The following ABCA13 variants were observed in gnomAD, a reference collection of about 807,000 sequenced individuals.
The protein encoded by ABCA13 is ATP-binding cassette sub-family A member 13.
Under a neutral mutation model 478.7 loss-of-function variants are expected in ABCA13, and 476 were observed. The ratio of observed to expected loss-of-function variants is 0.99; its 90% CI spans 0.92 to 1.07. ABCA13 has a LOEUF of 1.07. Among genes scored for constraint, ABCA13 ranks in the 50% least tolerant of loss-of-function variants. The probability of loss-of-function intolerance (pLI) is 0.00; values close to 1 mark genes in which losing one functional copy is unlikely to be tolerated. For missense variants in ABCA13, 6,060 were observed against 5,910.6 expected (o/e 1.03, Z -0.83); for synonymous variants, 2,252 against 2,158.9 (o/e 1.04, Z -1.20).
chr7:48,615,888 T>C (rs1018461433), intron 59 of ABCA13, among the ~76,000 whole-genome samples: 6 of 152,242 alleles, frequency 3.9e-5, no homozygotes, highest in Non-Finnish European at 2.9e-5. Context: ...ACTTCTTTCC[T>C]GTGCTCATTG....
At position 48,275,861 on chromosome 7, in the gene ABCA13, C is replaced by T. The variant is rs373473537; in HGVS notation, c.6195C>T (p.Ile2065=). 3.1e-6 allele frequency: 5 copies of T among 1,613,428 alleles called. No homozygotes were observed. Among genetic ancestry groups the T allele is most frequent in the Non-Finnish European group, 4.2e-6 (5 of 1,179,794 alleles). ...AACTATGGCCCAAGTTTCAACAAAT[C>T]ATGAAAGACCTAACCCAAGATTTTA... is the stretch of plus-strand genomic sequence containing the variant. ...FEELWPKFQQ[I]MKDLTQDFRI... The change falls in exon 17 of 62, where the codon ATC becomes ATT. Residue 2065 remains isoleucine (I), a synonymous_variant. Transcript: ENST00000435803.
chr7:48,243,449 C>G (rs1053359752), intron 10 of ABCA13, among the ~76,000 whole-genome samples: 11 of 152,208 alleles, frequency 7.2e-5, no homozygotes, highest in Non-Finnish European at 1.6e-4. Context: ...CAGCTTCACT[C>G]TAGCATGAGG....
chr7:48,223,296 G>A (rs1289720873), intron 5 of ABCA13, among the ~76,000 whole-genome samples: 1 of 152,140 alleles, frequency 6.6e-6, no homozygotes, highest in Admixed American at 6.5e-5. Flanking sequence ...TTGGAGCTGA[G>A]ATAAACTCTC....
At chr7:48,533,253 C>T (rs1283630867) in intron 55 of ABCA13, among the ~76,000 whole-genome samples, 1 of 152,016 alleles carries the variant, frequency 6.6e-6, no homozygotes, top group East Asian at 1.9e-4. Flanking sequence ...TCATTGTTGA[C>T]CCAATGATCA....
chr7:48,313,215 C>T lies in ABCA13; in HGVS notation c.9665C>T (p.Thr3222Ile). 1 of 1,611,050 alleles carries T rather than the reference C, an allele frequency of 6.2e-7. No homozygotes were observed. The highest frequency in any genetic ancestry group is 8.5e-7 in the Non-Finnish European group (1 of 1,178,494). ...HTFKITALLE[T>I]LDFQQVSQNV... ...TTTAAAATCACTGCCTTGCTAGAAA[C>T]CCTGGACTTTCAACAGGTGTGTGTT... The change falls in exon 25 of 62, where the codon ACC becomes ATC. Residue 3222 changes from threonine (T) to isoleucine (I), a missense_variant. Transcript: ENST00000435803.
In ABCA13 at chr7:48,392,009, A is replaced by C; in HGVS notation, c.11743A>C (p.Met3915Leu). ...ACAGACAGACCTGTCGAGGGTCAGA[A>C]TGGAGCTTGGTGTGTGTCCGCAGCA... ...NLQTDLSRVR[M>L]ELGVCPQQDI... The change falls in exon 38 of 62, where the codon ATG becomes CTG. Residue 3915 changes from methionine (M) to leucine (L), a missense_variant. By Grantham distance (15) the Met-to-Leu change is conservative. Around this residue, in one of 3 missense-constraint regions of ABCA13, gnomAD observed 1,627 missense variants for 1,571.0 expected, o/e 1.04. Transcript: ENST00000435803. 6.2e-7 allele frequency: 1 copy of C among 1,614,018 alleles called. No individual in the cohort carries two copies. Among genetic ancestry groups the C allele is most frequent in the Non-Finnish European group, 8.5e-7 (1 of 1,179,878 alleles).
intron 35 of ABCA13, among the ~76,000 whole-genome samples, chr7:48,382,468 C>G (rs1196683086): frequency 6.6e-6 from 1 of 152,174 alleles, no homozygotes; most frequent in Non-Finnish European, 1.5e-5. Flanking sequence ...TTCAATGTGC[C>G]CAGCACACCC....
chr7:48,558,901 T>A (rs1334910447), intron 55 of ABCA13, among the ~76,000 whole-genome samples: 2 of 152,352 alleles, frequency 1.3e-5, no homozygotes, highest in South Asian at 2.1e-4. Flanking sequence ...GTGTTTACAG[T>A]CTGGGCTTGT....
intron 1 of ABCA13, among the ~76,000 whole-genome samples, chr7:48,172,614 T>C (rs1003985162): frequency 2.6e-5 from 4 of 151,074 alleles, no homozygotes; most frequent in Non-Finnish European, 5.9e-5. Flanking sequence ...GCTAACACAG[T>C]GAAACCCCGT....
intron 55 of ABCA13, among the ~76,000 whole-genome samples, chr7:48,571,379 A>G (rs1787629046): frequency 6.6e-6 from 1 of 151,520 alleles, no homozygotes; most frequent in Non-Finnish European, 1.5e-5. Context: ...CTGTCAACAA[A>G]CTCTCTCAGT....
intron 3 of ABCA13, among the ~76,000 whole-genome samples, chr7:48,216,327 A>G (rs1246854632): frequency 2.0e-5 from 3 of 152,024 alleles, no homozygotes; most frequent in African/African-American, 4.8e-5. Flanking sequence ...TTTGATTTAC[A>G]TTTCCCTAGC....
intron 31 of ABCA13, among the ~76,000 whole-genome samples, chr7:48,361,194 C>G (rs972690337): frequency 1.3e-5 from 2 of 151,834 alleles, no homozygotes; most frequent in African/African-American, 4.9e-5. Flanking sequence ...ATCACAGCAC[C>G]TCTTTAAAAC....
At chr7:48,281,474 T>A (rs1231195129) in intron 19 of ABCA13, 22 bp downstream of exon 19, 1 of 1,564,478 alleles carries the variant, frequency 6.4e-7, no homozygotes, top group African/African-American at 1.4e-5. Flanking sequence ...ATATAACAAG[T>A]GCTCTGCAAT....
chr7:48,608,861 A>G (rs938974050), intron 58 of ABCA13, among the ~76,000 whole-genome samples: 2 of 152,042 alleles, frequency 1.3e-5, no homozygotes, highest in Non-Finnish European at 2.9e-5. Context: ...TATTTTTGTT[A>G]ATTTTGTCCA....
At chr7:48,408,935 A>C (rs1262996061) in intron 39 of ABCA13, among the ~76,000 whole-genome samples, 1 of 152,174 alleles carries the variant, frequency 6.6e-6, no homozygotes, top group African/African-American at 2.4e-5. Flanking sequence ...GTAAGTGAGA[A>C]CATGCGGTGT....
chr7:48,588,508 T>G (rs2178089), intron 57 of ABCA13, among the ~76,000 whole-genome samples: 74,327 of 152,052 alleles, frequency 0.49, 21,387 homozygotes, highest in African/African-American at 0.81. Flanking sequence ...TCAGCTTTCC[T>G]TGGATGCCCA....
chr7:48,375,671 TCTAG>T (rs1488714411), intron 34 of ABCA13, among the ~76,000 whole-genome samples: 3 of 152,106 alleles, frequency 2.0e-5, no homozygotes, highest in Non-Finnish European at 4.4e-5. Flanking sequence ...AAAATTTGAC[TCTAG>T]CTATTGTTGT....
intron 55 of ABCA13, among the ~76,000 whole-genome samples, chr7:48,574,791 CAT>C (rs1236596592): frequency 2.0e-5 from 3 of 152,166 alleles, no homozygotes; most frequent in Admixed American, 1.3e-4. Context: ...AAACAAAACA[CAT>C]GTCTCCTCTC....
chr7:48,190,481 G>A (rs1321601851), intron 1 of ABCA13, among the ~76,000 whole-genome samples: 1 of 152,060 alleles, frequency 6.6e-6, no homozygotes, highest in Non-Finnish European at 1.5e-5. Context: ...GCAAATTTGA[G>A]CAAAATTTTC....
Sources: allele counts gnomAD v4.1 joint callset (sites outside exome capture counted in the v4.1 genomes callset), GRCh38; gene constraint gnomAD v4.1.1; regional missense constraint gnomAD v4.1.1; transcripts MANE v1.5; gene names NCBI Gene and HGNC (gene_info 2026-07-23, HGNC 2026-07-21).